The following GLT1D1 variants were observed in gnomAD, a reference collection of about 807,000 sequenced individuals.
GLT1D1 encodes the protein glycosyltransferase 1 domain-containing protein 1.
In GLT1D1, 21 loss-of-function variants were observed where a neutral mutation model predicts 28.7. That is an observed-to-expected ratio of 0.73 (90% CI 0.52 to 1.05). GLT1D1 has a LOEUF of 1.05. GLT1D1 is among the 50% of genes least tolerant of loss of function. The pLI is 0.00. For missense variants in GLT1D1, 343 were observed against 330.6 expected (o/e 1.04, Z -0.29); for synonymous variants, 147 against 124.8 (o/e 1.18, Z -1.19).
intron 4 of GLT1D1, among the ~76,000 whole-genome samples, chr12:128,907,175 C>T (rs1870962784): frequency 6.6e-6 from 1 of 152,142 alleles, no homozygotes; most frequent in African/African-American, 2.4e-5. Context: ...TTAGAGTTCC[C>T]ACCCTCCTGG....
intron 4 of GLT1D1, among the ~76,000 whole-genome samples, chr12:128,928,038 GA>G (rs1189527431): frequency 8.8e-6 from 1 of 113,702 alleles, no homozygotes; most frequent in African/African-American, 3.3e-5. Flanking sequence ...AAAAAGAATA[GA>G]AAAAAAGAAA....
chr12:128,932,250 A>C (rs1417961947), intron 4 of GLT1D1, among the ~76,000 whole-genome samples: 2 of 152,170 alleles, frequency 1.3e-5, no homozygotes, highest in African/African-American at 2.4e-5. Context: ...ACCTGATGAC[A>C]ACATACGTGG....
Position 128,874,719 on chromosome 12 carries a change from A to G in GLT1D1, c.69-1195A>G, listed in dbSNP as rs527646800. Among the ~76,000 whole-genome samples the G allele has an allele frequency of 2.3e-3, 344 of 152,264 alleles. 2 individuals are homozygous for G. The highest frequency in any genetic ancestry group is 8.1e-3 in the African/African-American group (336 of 41,550). On this transcript the variant is annotated intron_variant, in intron 1 of 7. Transcript: ENST00000281703. ...GGCTGGTCTCAAACTCCTGGGCTCA[A>G]GCAATCTGTCTGCCTCGAACTCTCA...
At chr12:128,899,098 C>A in intron 3 of GLT1D1, 138 bp from the exon 4 acceptor site, 1 of 664,838 alleles carries the variant, frequency 1.5e-6, no homozygotes. Flanking sequence ...GGCCAATGAC[C>A]ACAAGTAATA....
chr12:128,867,454 G>A (rs532811498), intron 1 of GLT1D1, among the ~76,000 whole-genome samples: 83 of 149,304 alleles, frequency 5.6e-4, no homozygotes, highest in African/African-American at 2.0e-3. Context: ...AAAGAGAGTT[G>A]GCACCTGGAG....
intron 4 of GLT1D1, among the ~76,000 whole-genome samples, chr12:128,913,978 C>T (rs1337692680): frequency 6.6e-6 from 1 of 152,114 alleles, no homozygotes; most frequent in African/African-American, 2.4e-5. Flanking sequence ...GAAATGGGCG[C>T]TTGTTAAATA....
At chr12:128,912,999 C>T (rs1028895482) in intron 4 of GLT1D1, among the ~76,000 whole-genome samples, 2 of 152,050 alleles carry the variant, frequency 1.3e-5, no homozygotes, top group Non-Finnish European at 2.9e-5. Context: ...ATTTAAAATG[C>T]GGATCACTTA....
chr12:128,875,032 A>G (rs576550335), intron 1 of GLT1D1, among the ~76,000 whole-genome samples: 9 of 151,322 alleles, frequency 5.9e-5, no homozygotes, highest in African/African-American at 2.2e-4. Flanking sequence ...AAGAGAAGAG[A>G]CATGTTTGAA....
intron 1 of GLT1D1, among the ~76,000 whole-genome samples, chr12:128,859,154 G>T (rs10847704): frequency 1.3e-5 from 2 of 152,068 alleles, no homozygotes. Flanking sequence ...ACTCATATTT[G>T]GCTCAGAATA....
At chr12:128,897,830 G>A (rs534879612) in intron 3 of GLT1D1, among the ~76,000 whole-genome samples, 8 of 151,744 alleles carry the variant, frequency 5.3e-5, no homozygotes, top group South Asian at 2.1e-4. Flanking sequence ...CACCATGCCC[G>A]GCTAATTTTT....
chr12:128,874,479 G>GTTT (rs1593065263), intron 1 of GLT1D1, among the ~76,000 whole-genome samples: 3 of 124,548 alleles, frequency 2.4e-5, no homozygotes, highest in South Asian at 3.0e-4. Context: ...ACTGTGGCTG[G>GTTT]CTTTTTTTTT....
intron 2 of GLT1D1, among the ~76,000 whole-genome samples, chr12:128,882,851 C>G (rs968601975): frequency 6.6e-6 from 1 of 152,124 alleles, no homozygotes; most frequent in Non-Finnish European, 1.5e-5. Context: ...AAAAACTTAA[C>G]TTGATGCTGG....
intron 4 of GLT1D1, among the ~76,000 whole-genome samples, chr12:128,928,678 T>C (rs2135921854): frequency 6.6e-6 from 1 of 151,052 alleles, no homozygotes; most frequent in South Asian, 2.1e-4. Context: ...TAGAGTACAA[T>C]GGTGTGATCT....
chr12:128,899,924 C>A (rs1870060387), intron 4 of GLT1D1, among the ~76,000 whole-genome samples: 1 of 152,148 alleles, frequency 6.6e-6, no homozygotes, highest in Non-Finnish European at 1.5e-5. Context: ...ACCTTGTATA[C>A]ATGAGAGTAA....
At chr12:128,957,750 C>A in intron 7 of GLT1D1, 107 bp downstream of exon 11, 2 of 699,444 alleles carry the variant, frequency 2.9e-6, no homozygotes, top group Non-Finnish European at 4.9e-6. Flanking sequence ...CTGTCCTACC[C>A]GGAGCCCTGC....
chr12:128,969,123 T>C (rs1878776353), intron 7 of GLT1D1, among the ~76,000 whole-genome samples: 1 of 125,184 alleles, frequency 8.0e-6, no homozygotes, highest in Non-Finnish European at 1.6e-5. Flanking sequence ...CTGTCTCTGT[T>C]TCTGTAGCCT....
intron 3 of GLT1D1, among the ~76,000 whole-genome samples, chr12:128,895,077 A>T (rs1032423425): frequency 3.3e-5 from 5 of 151,944 alleles, no homozygotes; most frequent in African/African-American, 1.2e-4. Flanking sequence ...ACTTTCTGGC[A>T]TCGTAAAATG....
chr12:128,897,888 C>T (rs1488411941), intron 3 of GLT1D1, among the ~76,000 whole-genome samples: 2 of 152,020 alleles, frequency 1.3e-5, no homozygotes, highest in East Asian at 3.9e-4. Flanking sequence ...CAGGTGGTCT[C>T]GATCTCCTGA....
intron 4 of GLT1D1, among the ~76,000 whole-genome samples, chr12:128,908,017 G>C (rs141652016): frequency 1.7e-3 from 252 of 152,298 alleles, no homozygotes; most frequent in African/African-American, 5.2e-3. Flanking sequence ...AGTCGCCCCA[G>C]TAGATGGGGT....
Sources: allele counts gnomAD v4.1 joint callset (sites outside exome capture counted in the v4.1 genomes callset), GRCh38; gene constraint gnomAD v4.1.1; transcripts MANE v1.5; gene names NCBI Gene and HGNC (gene_info 2026-07-23, HGNC 2026-07-21).